The following KIF1A variants were observed in gnomAD, a reference collection of about 807,000 sequenced individuals.
KIF1A encodes kinesin family member 1A.
In KIF1A, 46 loss-of-function variants were observed where a neutral mutation model predicts 227.3. That is an observed-to-expected ratio of 0.20 (90% CI 0.16 to 0.26). The LOEUF (loss-of-function observed/expected upper bound fraction) is 0.26. Among genes scored for constraint, KIF1A ranks in the 10% least tolerant of loss-of-function variants. The probability of loss-of-function intolerance (pLI) is 1.00; values close to 1 mark genes in which losing one functional copy is unlikely to be tolerated. For missense variants in KIF1A, 1,683 were observed against 2,485.9 expected (o/e 0.68, Z 6.87); for synonymous variants, 1,022 against 1,012.8 (o/e 1.01, Z -0.17).
intron 48 of KIF1A, among the ~76,000 whole-genome samples, 160 bp from the exon 49 acceptor site, chr2:240,717,566 T>C (rs889424629): frequency 6.6e-6 from 1 of 152,210 alleles, no homozygotes; most frequent in African/African-American, 2.4e-5. Context: ...TCTCTGCTTC[T>C]GGTGTGTAGG....
intron 10 of KIF1A, among the ~76,000 whole-genome samples, chr2:240,781,441 ACACACACACACACACACAGCTC>A (rs2053959337): frequency 6.7e-5 from 4 of 59,476 alleles, no homozygotes; most frequent in African/African-American, 1.6e-4. Flanking sequence ...CCACACACAC[ACACACACACACACACACAGCTC>A]CACACACACA....
intron 20 of KIF1A, among the ~76,000 whole-genome samples, chr2:240,765,492 G>A (rs977110529): frequency 6.6e-6 from 1 of 152,262 alleles, no homozygotes; most frequent in Non-Finnish European, 1.5e-5. Context: ...CCCCTGTGTT[G>A]TGTGAATGGG....
chr2:240,723,029 G>A (rs900988812), intron 42 of KIF1A, among the ~76,000 whole-genome samples: 6 of 152,186 alleles, frequency 3.9e-5, no homozygotes, highest in Non-Finnish European at 8.8e-5. Flanking sequence ...CACGTCACGC[G>A]TCACGTGTCA....
intron 42 of KIF1A, 74 bp from the exon 43 acceptor site, chr2:240,722,730 C>T (rs1209649263): frequency 8.1e-7 from 1 of 1,234,142 alleles, no homozygotes; most frequent in South Asian, 1.6e-5. Flanking sequence ...GCCTCAGCAG[C>T]AGCATGACCC....
intron 4 of KIF1A, 93 bp downstream of exon 4, chr2:240,787,958 G>T (rs909454939): frequency 1.6e-6 from 2 of 1,221,252 alleles, no homozygotes; most frequent in African/African-American, 1.5e-5. Flanking sequence ...CTCTCTGGGG[G>T]CTGCTCTCAG....
At chr2:240,765,527 T>A (rs2051061853) in intron 20 of KIF1A, among the ~76,000 whole-genome samples, 183 bp downstream of exon 20, 1 of 152,128 alleles carries the variant, frequency 6.6e-6, no homozygotes, top group South Asian at 2.1e-4. Context: ...GTTCCTGGAG[T>A]TGGGGGACTG....
chr2:240,723,923 A>G, intron 41 of KIF1A, 52 bp downstream of exon 41: 3 of 1,467,114 alleles, frequency 2.0e-6, no homozygotes, highest in Non-Finnish European at 2.9e-6. Context: ...CCAAGTGGGC[A>G]GAGGTTGAGC....
chr2:240,762,366 A>G (rs1238919917), intron 23 of KIF1A, among the ~76,000 whole-genome samples: 2 of 152,210 alleles, frequency 1.3e-5, no homozygotes, highest in African/African-American at 4.8e-5. Context: ...GAGTGGACGC[A>G]TGAGCATGGT....
chr2:240,815,750 A>G (rs1248554037), intron 1 of KIF1A, among the ~76,000 whole-genome samples: 1 of 152,184 alleles, frequency 6.6e-6, no homozygotes, highest in African/African-American at 2.4e-5. Flanking sequence ...AAAGCACTAA[A>G]GGAGCTACCA....
intron 41 of KIF1A, 88 bp from the exon 42 acceptor site, chr2:240,723,646 G>A (rs1457329420): frequency 3.5e-6 from 5 of 1,416,944 alleles, no homozygotes; most frequent in South Asian, 2.9e-5. Flanking sequence ...CTGTGAAGCT[G>A]TCTCCCCTCT....
At chr2:240,777,034 CTTTTG>C (rs2052825487) in intron 10 of KIF1A, among the ~76,000 whole-genome samples, 1 of 152,064 alleles carries the variant, frequency 6.6e-6, no homozygotes, top group African/African-American at 2.4e-5. Context: ...TCTAGTTTTT[CTTTTG>C]TTTTGTTTTT....
Position 240,775,606 on chromosome 2 carries a change from G to A in KIF1A, c.958+245C>T, listed in dbSNP as rs1020265718. On this transcript the variant is annotated intron_variant, in intron 11 of 48. Transcript: ENST00000498729. This position sits in a 1 kb window ranked among gnomAD's most constrained non-coding sequence, Gnocchi z 5.5. ...CCCAGGACCACTGACACAGGCAGGT[G>A]TGTGCTGTGCCACCCCCTGGGCTGT... is the stretch of plus-strand genomic sequence containing the variant. Among the ~76,000 whole-genome samples the A allele has an allele frequency of 7.2e-5, 11 of 152,336 alleles. No individual in the cohort carries two copies. The highest frequency in any genetic ancestry group is 5.2e-4 in the Admixed American group (8 of 15,312).
chr2:240,786,802 T>TCAGGACCCCTGAGTGAGGGGGTGGGG (rs1559530234), intron 5 of KIF1A, among the ~76,000 whole-genome samples: 1 of 30,276 alleles, frequency 3.3e-5, no homozygotes, highest in African/African-American at 1.1e-4. Flanking sequence ...GGGTGGGGGC[T>TCAGGACCCCTGAGTGAGGGGGTGGGG]GCCATCAGGA....
At chr2:240,771,241 A>AT in intron 14 of KIF1A, 137 bp from the exon 15 acceptor site, 1 of 1,074,046 alleles carries the variant, frequency 9.3e-7, no homozygotes, top group Non-Finnish European at 1.4e-6. Context: ...AAAGATGAAG[A>AT]TGGGAAAAAG....
intron 4 of KIF1A, 66 bp from the exon 5 acceptor site, chr2:240,787,382 C>A (rs1358990639): frequency 2.8e-6 from 4 of 1,416,374 alleles, no homozygotes; most frequent in Admixed American, 1.7e-5. Flanking sequence ...CTGCCCCTTG[C>A]GATACTGTGG....
intron 10 of KIF1A, among the ~76,000 whole-genome samples, chr2:240,780,798 C>CCACACACACACACACAGCTCCACA (rs2053596613): frequency 2.9e-5 from 1 of 34,914 alleles, no homozygotes; most frequent in Non-Finnish European, 4.8e-5. Flanking sequence ...ACACACAGCT[C>CCACACACACACACACAGCTCCACA]CACACACACA....
chr2:240,774,142 C>A, intron 12 of KIF1A, 41 bp downstream of exon 12: 1 of 1,336,276 alleles, frequency 7.5e-7, no homozygotes, highest in Admixed American at 1.8e-5. Context: ...CCCCCAAGAC[C>A]AGGGAGCGGG....
Position 240,763,194 on chromosome 2 carries a change from T to C in KIF1A, c.1921A>G (p.Ile641Val), listed in dbSNP as rs1208366245. ...TGCTCCATCTCCTGCTTCATGTCGA[T>C]GCCCTGCTTCTCCAGCAGCTCACGC... ...AQRELLEKQGIDMKQEMEQRL... is the reference protein window; with the variant it reads ...AQRELLEKQGVDMKQEMEQRL... The change falls in exon 21 of 49, where the codon ATC becomes GTC. Residue 641 changes from isoleucine to valine, a missense_variant. Coordinates refer to ENST00000498729, the MANE Select transcript of KIF1A (RefSeq NM_001244008.2). The C allele has an allele frequency of 6.2e-7, 1 of 1,612,144 alleles. No individual in the cohort carries two copies. Among genetic ancestry groups the C allele is most frequent in the Non-Finnish European group, 8.5e-7 (1 of 1,179,776 alleles).
chr2:240,779,594 ACACTCAGTTCCTCACAGTTCCT>A (rs1367366002), intron 10 of KIF1A, among the ~76,000 whole-genome samples: 1 of 135,818 alleles, frequency 7.4e-6, no homozygotes, highest in Non-Finnish European at 1.5e-5. Flanking sequence ...ACTCAGTTCC[ACACTCAGTTCCTCACAGTTCCT>A]CACTCAGTTC....
Sources: allele counts gnomAD v4.1 joint callset (sites outside exome capture counted in the v4.1 genomes callset), GRCh38; gene constraint gnomAD v4.1.1; non-coding constraint Gnocchi (gnomAD v3.1); transcripts MANE v1.5; gene names NCBI Gene and HGNC (gene_info 2026-07-23, HGNC 2026-07-21).